Variants in ABTB3 observed in about 807,000 individuals in gnomAD.
ABTB3 encodes the protein ankyrin repeat and BTB domain containing 3.
the ABTB3 span, among the ~76,000 whole-genome samples, chr12:107,613,442 C>A: frequency 6.6e-6 from 1 of 152,044 alleles, no homozygotes; most frequent in African/African-American, 2.4e-5. Context: ...CCCCAGAAAC[C>A]CTCCCCTCCC....
At chr12:107,510,826 G>A in the ABTB3 span, among the ~76,000 whole-genome samples, 8 of 152,168 alleles carry the variant, frequency 5.3e-5, no homozygotes, top group Non-Finnish European at 1.2e-4. Flanking sequence ...AGAGGCTGAC[G>A]TGGGAGGATG....
chr12:107,535,837 A>G, the ABTB3 span, among the ~76,000 whole-genome samples: 5 of 152,170 alleles, frequency 3.3e-5, no homozygotes, highest in African/African-American at 1.2e-4. Context: ...TACCCAAGAA[A>G]TCTACAGTCA....
the ABTB3 span, among the ~76,000 whole-genome samples, chr12:107,461,741 G>A: frequency 6.6e-6 from 1 of 152,170 alleles, no homozygotes; most frequent in Non-Finnish European, 1.5e-5. Context: ...AATAAGCTTA[G>A]AGTCAGAAAG....
chr12:107,417,682 G>A, the ABTB3 span, among the ~76,000 whole-genome samples: 31 of 152,354 alleles, frequency 2.0e-4, no homozygotes, highest in African/African-American at 7.5e-4. Context: ...CGCATAGCGT[G>A]TGTACCATCA....
At chr12:107,627,420 G>A in the ABTB3 span, among the ~76,000 whole-genome samples, 12 of 152,208 alleles carry the variant, frequency 7.9e-5, no homozygotes, top group Non-Finnish European at 1.8e-4. Flanking sequence ...CTGGGAAGCA[G>A]GTAGTTGTAT....
chr12:107,454,177 C>T, the ABTB3 span, among the ~76,000 whole-genome samples: 23 of 152,246 alleles, frequency 1.5e-4, no homozygotes, highest in Admixed American at 1.5e-3. Context: ...AATGGGGATG[C>T]AGCATTAGTC....
chr12:107,364,739 G>T, the ABTB3 span, among the ~76,000 whole-genome samples: 4 of 152,220 alleles, frequency 2.6e-5, no homozygotes, highest in Admixed American at 6.5e-5. Flanking sequence ...ATATTGGTGA[G>T]CAGCAGTATG....
the ABTB3 span, among the ~76,000 whole-genome samples, chr12:107,561,066 G>C: frequency 2.0e-5 from 3 of 152,126 alleles, no homozygotes; most frequent in South Asian, 6.2e-4. Flanking sequence ...GAAGAAGGTG[G>C]ATGTGTCCCC....
chr12:107,418,462 G>T, the ABTB3 span, among the ~76,000 whole-genome samples: 1 of 152,178 alleles, frequency 6.6e-6, no homozygotes, highest in African/African-American at 2.4e-5. Flanking sequence ...AATACAAGCT[G>T]GTTCTTAGAA....
chr12:107,404,378 G>C, the ABTB3 span, among the ~76,000 whole-genome samples: 1 of 151,984 alleles, frequency 6.6e-6, no homozygotes, highest in Non-Finnish European at 1.5e-5. Flanking sequence ...CAAGGGGAGA[G>C]GGTCCAGAAA....
chr12:107,469,998 TTCTTTCTTTCTTTCTCTCTC>T, the ABTB3 span, among the ~76,000 whole-genome samples: 22 of 61,298 alleles, frequency 3.6e-4, 2 homozygotes, highest in African/African-American at 2.3e-3. Flanking sequence ...CTTTCTTTCT[TTCTTTCTTTCTTTCTCTCTC>T]TCTCTCTCTC....
chr12:107,433,222 G>A, the ABTB3 span, among the ~76,000 whole-genome samples: 93 of 150,224 alleles, frequency 6.2e-4, no homozygotes, highest in Admixed American at 2.0e-3. Context: ...CCCGGGAAGC[G>A]GAGCTTGCAG....
chr12:107,438,285 G>T, the ABTB3 span, among the ~76,000 whole-genome samples: 1 of 152,206 alleles, frequency 6.6e-6, no homozygotes, highest in Non-Finnish European at 1.5e-5. Context: ...TTGACAGATA[G>T]TGGGAGAGAT....
the ABTB3 span, among the ~76,000 whole-genome samples, chr12:107,430,670 A>G: frequency 2.6e-5 from 4 of 152,164 alleles, no homozygotes; most frequent in African/African-American, 9.7e-5. Flanking sequence ...ATACGTCCCT[A>G]TTTCTTGTGC....
chr12:107,359,684 G>T, the ABTB3 span, among the ~76,000 whole-genome samples: 1 of 152,064 alleles, frequency 6.6e-6, no homozygotes, highest in East Asian at 1.9e-4. Flanking sequence ...GGTTTTGACC[G>T]CATCCCATGT....
At chr12:107,482,374 G>A in the ABTB3 span, among the ~76,000 whole-genome samples, 1 of 152,154 alleles carries the variant, frequency 6.6e-6, no homozygotes, top group African/African-American at 2.4e-5. Flanking sequence ...TGAGACCTGG[G>A]AGCCAGCCAC....
At chr12:107,399,520 C>T in the ABTB3 span, among the ~76,000 whole-genome samples, 1 of 152,110 alleles carries the variant, frequency 6.6e-6, no homozygotes, top group Non-Finnish European at 1.5e-5. Flanking sequence ...AGAGTCCAGG[C>T]ACCCATCTCC....
At chr12:107,643,402 C>CAAA in the ABTB3 span, among the ~76,000 whole-genome samples, 145 of 79,462 alleles carry the variant, frequency 1.8e-3, 1 homozygote, top group East Asian at 0.016. Context: ...GACCCTATCT[C>CAAA]AAAAAAAAAA....
the ABTB3 span, among the ~76,000 whole-genome samples, chr12:107,469,704 G>A: frequency 6.6e-6 from 1 of 152,150 alleles, no homozygotes; most frequent in Non-Finnish European, 1.5e-5. Context: ...TAAGGACAGT[G>A]CCTGGCACAC....
Sources: gnomAD v4.1 joint callset for allele counts (sites outside exome capture counted in the v4.1 genomes callset) on GRCh38, gnomAD v4.1.1 for gene constraint, MANE v1.5 for transcripts, NCBI Gene and HGNC (gene_info 2026-07-23, HGNC 2026-07-21) for gene names.